The following ART3 variants were observed in gnomAD, a reference collection of about 807,000 sequenced individuals.
The protein encoded by ART3 is ADP-ribosyltransferase 3 (inactive).
Under a neutral mutation model 48.5 loss-of-function variants are expected in ART3, and 49 were observed. That is an observed-to-expected ratio of 1.01 (90% CI 0.80 to 1.28). The LOEUF (loss-of-function observed/expected upper bound fraction) is 1.28, where lower values mean the gene tolerates loss of function less well. Ranked by LOEUF, ART3 falls within the 50% of genes most tolerant of loss-of-function variation. ART3 has a pLI of 0.00. For synonymous variants in ART3, 145 were observed against 157.2 expected (o/e 0.92, Z 0.58); for missense variants, 438 against 454.3 (o/e 0.96, Z 0.33).
chr4:76,013,097 G>A (rs909551064), intron 1 of ART3, among the ~76,000 whole-genome samples: 1 of 152,174 alleles, frequency 6.6e-6, no homozygotes, highest in African/African-American at 2.4e-5. Context: ...GTATGATAAA[G>A]GATTGTACAG....
At chr4:76,073,633 A>G (rs1720554765), upstream of ART3, among the ~76,000 whole-genome samples, 1 of 152,224 alleles carries the variant, frequency 6.6e-6, no homozygotes, top group African/African-American at 2.4e-5. Context: ...TGAATTTGTC[A>G]ATGTAATTGG....
chr4:76,016,863 C>T (rs1393675230), intron 1 of ART3, among the ~76,000 whole-genome samples: 1 of 152,198 alleles, frequency 6.6e-6, no homozygotes, highest in Non-Finnish European at 1.5e-5. Flanking sequence ...CACCACAGAC[C>T]CATGGGATGT....
At chr4:76,072,311 G>A (rs1392476739), upstream of ART3, among the ~76,000 whole-genome samples, 2 of 151,900 alleles carry the variant, frequency 1.3e-5, no homozygotes, top group Admixed American at 6.6e-5. Flanking sequence ...TTTCCTTATC[G>A]TATCAGGAAA....
chr4:76,015,163 C>A (rs1366316717), intron 1 of ART3, among the ~76,000 whole-genome samples: 1 of 152,110 alleles, frequency 6.6e-6, no homozygotes. Context: ...TATTATTGCA[C>A]TTTTGGTTTG....
chr4:76,086,727 A>G (rs1723670349), intron 3 of ART3, among the ~76,000 whole-genome samples: 1 of 152,214 alleles, frequency 6.6e-6, no homozygotes, highest in Non-Finnish European at 1.5e-5. Flanking sequence ...AATAAAATTC[A>G]GTTTTTAAAA....
intron 1 of ART3, among the ~76,000 whole-genome samples, chr4:76,068,142 T>C (rs147181249): frequency 3.9e-5 from 6 of 152,328 alleles, no homozygotes; most frequent in African/African-American, 1.4e-4. Context: ...GTTTTTGTTG[T>C]TGTTTGTTAA....
At chr4:76,044,173 A>G (rs773496479) in intron 1 of ART3, among the ~76,000 whole-genome samples, 3 of 152,056 alleles carry the variant, frequency 2.0e-5, no homozygotes, top group Non-Finnish European at 4.4e-5. Context: ...CATGGGACCT[A>G]GAAAGGGGAG....
intron 1 of ART3, among the ~76,000 whole-genome samples, chr4:76,036,480 C>G (rs1560587228): frequency 6.6e-6 from 1 of 151,084 alleles, no homozygotes; most frequent in African/African-American, 2.4e-5. Context: ...GCTTTTCAGT[C>G]CAAACTCTTA....
In ART3 at chr4:76,082,193, C is replaced by A; in HGVS notation, c.439C>A (p.Gln147Lys). The A allele has an allele frequency of 1.2e-6, 2 of 1,614,172 alleles. No homozygotes were observed. The highest frequency in any genetic ancestry group is 2.7e-5 in the African/African-American group (2 of 75,044). ...AFHFYLTRAL[Q>K]LLRKPCEASS... The stretch of plus-strand genomic sequence containing the variant: ...CCACTTTTACCTCACAAGAGCCCTG[C>A]AGTTGCTGAGAAAACCTTGTGAGGC... The change falls in exon 3 of 12, where the codon CAG becomes AAG. Residue 147 changes from glutamine to lysine, a missense_variant. Gln to Lys is a moderately conservative substitution (Grantham distance 53). Transcript: ENST00000355810.
Position 76,081,814 on chromosome 4 carries a change from TCC to T in ART3, c.70-9_70-8del. On this transcript the variant is annotated splice_polypyrimidine_tract_variant and splice_region_variant and intron_variant, in intron 2 of 11. Transcript: ENST00000355810. ...TATTTCAAGAGTATTAATTTCTTTTTCCTTTGAAGGTGAAGGCTGAAGTGTTA... is the reference window on the plus strand; with the variant it reads ...TATTTCAAGAGTATTAATTTCTTTTTTTTGAAGGTGAAGGCTGAAGTGTTA... The T allele has an allele frequency of 1.3e-6, 2 of 1,594,506 alleles. No homozygotes were observed. The highest frequency in any genetic ancestry group is 1.7e-6 in the Non-Finnish European group (2 of 1,169,200).
At chr4:76,050,897 C>T (rs1028000668) in intron 1 of ART3, among the ~76,000 whole-genome samples, 10 of 152,348 alleles carry the variant, frequency 6.6e-5, no homozygotes, top group East Asian at 1.9e-4. Context: ...GCTGCTAGCC[C>T]GGGTGCTAAG....
chr4:76,100,191 T>C (rs908131959), intron 5 of ART3, 100 bp from the exon 6 acceptor site: 4 of 1,226,588 alleles, frequency 3.3e-6, no homozygotes, highest in African/African-American at 3.1e-5. Flanking sequence ...AATGGTTCTT[T>C]ATAGTCATAT....
chr4:76,046,157 C>T (rs1413153460), intron 1 of ART3, among the ~76,000 whole-genome samples: 1 of 152,000 alleles, frequency 6.6e-6, no homozygotes, highest in African/African-American at 2.4e-5. Context: ...CAGATGAGGG[C>T]TATCCCTAAA....
Position 76,082,025 on chromosome 4 carries a change from A to C in ART3, c.271A>C (p.Lys91Gln). 1 of 1,614,250 alleles carries C rather than the reference A, an allele frequency of 6.2e-7. No individual in the cohort carries two copies. The highest frequency in any genetic ancestry group is 8.5e-7 in the Non-Finnish European group (1 of 1,180,044). Residue 91 changes from lysine to glutamine, a missense_variant, in exon 3 of 12, where the codon AAG becomes CAG. Physicochemically the swap from Lys to Gln is moderately conservative, Grantham distance 53 (BLOSUM62 1). This residue lies in a region of ART3 where 206 missense variants were observed against 205.3 expected (regional missense o/e 1.00). Transcript: ENST00000355810. ...TCAAATCTTTCTCCCTATGAATTTT[A>C]AGGATAACCATGGAATAGCCCTGAT... ...KTQIFLPMNFKDNHGIALMAY... is the reference protein window; with the variant it reads ...KTQIFLPMNFQDNHGIALMAY...
At chr4:76,087,138 T>C (rs1482148801) in intron 3 of ART3, among the ~76,000 whole-genome samples, 2 of 152,202 alleles carry the variant, frequency 1.3e-5, no homozygotes, top group African/African-American at 4.8e-5. Flanking sequence ...GGGGTCTGGT[T>C]GATGGGCTGA....
chr4:76,093,565 A>G lies in ART3; in HGVS notation c.782-4079A>G, dbSNP rs377344812. On this transcript the variant is annotated intron_variant, in intron 3 of 11. Transcript: ENST00000355810. ...ATTGAGCTCACCTGGAAAATCCAAG[A>G]TAATTGCCCCACCTGAAGGCCAGCT... Among the ~76,000 whole-genome samples the G allele has an allele frequency of 5.3e-5, 8 of 152,346 alleles. No individual in the cohort carries two copies. The East Asian group carries it at 1.5e-3, about 29-fold the overall frequency.
chr4:76,031,742 A>G (rs758874150), intron 1 of ART3, among the ~76,000 whole-genome samples: 5 of 152,150 alleles, frequency 3.3e-5, no homozygotes, highest in Admixed American at 2.0e-4. Context: ...TTGCCATTCA[A>G]TAGGGTCTGA....
At chr4:76,044,990 T>C (rs920545034) in intron 1 of ART3, among the ~76,000 whole-genome samples, 1 of 152,120 alleles carries the variant, frequency 6.6e-6, no homozygotes, top group Non-Finnish European at 1.5e-5. Context: ...ATAAGCATAC[T>C]TGTTATCTGT....
At chr4:76,040,944 G>A (rs538207145) in intron 1 of ART3, among the ~76,000 whole-genome samples, 1 of 152,218 alleles carries the variant, frequency 6.6e-6, no homozygotes, top group African/African-American at 2.4e-5. Context: ...CCTCTTTACT[G>A]CTCTTCCTCC....
Sources: gnomAD v4.1 joint callset for allele counts (sites outside exome capture counted in the v4.1 genomes callset) on GRCh38, gnomAD v4.1.1 for gene constraint, gnomAD v4.1.1 regional missense constraint, MANE v1.5 for transcripts, NCBI Gene and HGNC (gene_info 2026-07-23, HGNC 2026-07-21) for gene names.